The following ZNF606 variants were observed in gnomAD, a reference collection of about 807,000 sequenced individuals.
The protein encoded by ZNF606 is zinc finger protein 328.
ZNF606 carries 37 observed loss-of-function variants against 74.9 expected under a neutral mutation model. The ratio of observed to expected loss-of-function variants is 0.49; its 90% confidence interval spans 0.38 to 0.65. ZNF606 has a LOEUF of 0.65. Ranked by LOEUF, ZNF606 falls within the 30% of genes least tolerant of loss-of-function variation. The pLI is 0.00. For missense variants in ZNF606, 852 were observed against 952.9 expected (o/e 0.89, Z 1.39); for synonymous variants, 328 against 312.4 (o/e 1.05, Z -0.53).
intron 1 of ZNF606, among the ~76,000 whole-genome samples, chr19:58,001,824 T>C (rs1278685912): frequency 6.6e-6 from 1 of 152,220 alleles, no homozygotes. Context: ...TTTATTAATA[T>C]ACAATAAAAC....
chr19:58,000,453 C>T (rs912203457), intron 3 of ZNF606: 17 of 621,412 alleles, frequency 2.7e-5, no homozygotes, highest in Non-Finnish European at 4.4e-5. Context: ...TCTCGATCTC[C>T]TGACCTCGTG....
chr19:57,997,687 C>G (rs1206313893), intron 4 of ZNF606: 1 of 152,224 alleles, frequency 6.6e-6, no homozygotes, highest in Non-Finnish European at 1.5e-5. Flanking sequence ...CATAAATTAA[C>G]AGCAGAGTGT....
chr19:57,979,521 GGAAA>G lies in ZNF606; in HGVS notation c.1155_1158del (p.Phe386LeufsTer67). ...GTGTAAGTGCTTGTATGTTGAGTAA[GGAAA>G]GAGTCATACCCAAAGACTTTCTCCC... is the stretch of plus-strand genomic sequence containing the variant. On this transcript the variant is annotated frameshift_variant, in exon 7 of 7. Transcript: ENST00000551380. LOFTEE classifies it high-confidence loss of function. 1 of 1,613,676 alleles carries G rather than the reference GGAAA, an allele frequency of 6.2e-7. No individual in the cohort carries two copies. Among genetic ancestry groups the G allele is most frequent in the Non-Finnish European group, 8.5e-7 (1 of 1,179,844 alleles).
intron 4 of ZNF606, among the ~76,000 whole-genome samples, chr19:57,991,046 C>A (rs2073251075): frequency 1.3e-5 from 2 of 152,098 alleles, no homozygotes; most frequent in African/African-American, 4.8e-5. Context: ...CACCCTCGTC[C>A]CACTGCTTCT....
In ZNF606 at chr19:57,991,555, A is replaced by G. The variant is rs552033594; in HGVS notation, c.178-2834T>C. On this transcript the variant is annotated intron_variant, in intron 4 of 6. Transcript: ENST00000551380. ...GTGGTGGCTCATGCCTGTAATCCCAACACTTTGGGAGGTCAGGAGTTCGAT... is the reference window on the plus strand; with the variant it reads ...GTGGTGGCTCATGCCTGTAATCCCAGCACTTTGGGAGGTCAGGAGTTCGAT... 3.3e-5 allele frequency among the ~76,000 whole-genome samples: 5 copies of G among 152,126 alleles called. No homozygotes were observed. The South Asian group carries it at 8.3e-4, about 25-fold the overall frequency.
Position 57,988,672 on chromosome 19 carries a change from C to T in ZNF606, c.227G>A (p.Trp76Ter). 6.2e-7 allele frequency: 1 copy of T among 1,614,146 alleles called. No individual in the cohort carries two copies. ...DVAVDFTQEE[W>*]GQLDLVQRTL... ...CCTCTGAACAAGGTCCAGCTGCCCC[C>T]ACTCTTCTTGGGTGAAGTCCACGGC... The change falls in exon 5 of 7, where the codon TGG (tryptophan) becomes TAG (stop). Residue 76 changes from tryptophan (W) to a stop codon, truncating the protein, a stop_gained. Coordinates refer to ENST00000551380, the MANE Select transcript of ZNF606 (RefSeq NM_001348022.3). LOFTEE classifies it high-confidence loss of function.
At chr19:57,992,068 C>G (rs977228697) in intron 4 of ZNF606, among the ~76,000 whole-genome samples, 4 of 152,154 alleles carry the variant, frequency 2.6e-5, no homozygotes, top group Non-Finnish European at 4.4e-5. Flanking sequence ...ACTTCCCACC[C>G]CTCCCAAGAC....
At chr19:57,995,530 A>C (rs2073325379) in intron 4 of ZNF606, among the ~76,000 whole-genome samples, 1 of 152,200 alleles carries the variant, frequency 6.6e-6, no homozygotes, top group African/African-American at 2.4e-5. Context: ...TCATTGGGAA[A>C]AAAAATAGAT....
At chr19:57,982,586 C>CT (rs982684566) in intron 6 of ZNF606, among the ~76,000 whole-genome samples, 30 of 152,236 alleles carry the variant, frequency 2.0e-4, no homozygotes, top group Non-Finnish European at 3.2e-4. Flanking sequence ...CTCTCTGCTT[C>CT]TTTTTTTCTC....
Position 57,979,967 on chromosome 19 carries a change from T to C in ZNF606, c.713A>G (p.Tyr238Cys). ...SQRVSQIEHF[Y>C]KPDTHAQSWR... ...ACTTTGAGCATGTGTATCAGGCTTA[T>C]AGAAATGTTCTATCTGAGAAACTCT... is the stretch of plus-strand genomic sequence containing the variant. The change falls in exon 7 of 7, where the codon TAT becomes TGT. Residue 238 changes from tyrosine to cysteine, a missense_variant. By Grantham distance (194) the Tyr-to-Cys change is radical. Transcript: ENST00000551380. 1.9e-6 allele frequency: 3 copies of C among 1,613,964 alleles called. No homozygotes were observed. The highest frequency in any genetic ancestry group is 1.6e-4 in the Middle Eastern group (1 of 6,062).
chr19:57,979,987 A>C lies in ZNF606; in HGVS notation c.693T>G (p.Val231=). The C allele has an allele frequency of 6.2e-7, 1 of 1,613,784 alleles. No homozygotes were observed. Among genetic ancestry groups the C allele is most frequent in the Non-Finnish European group, 8.5e-7 (1 of 1,180,026 alleles). The change falls in exon 7 of 7, where the codon GTT becomes GTG. Residue 231 remains valine, a synonymous_variant. Transcript: ENST00000551380. ...QNLNFVPSQR[V]SQIEHFYKPD... is the part of the protein sequence containing the mutation. ...GCTTATAGAAATGTTCTATCTGAGAAACTCTCTGAGATGGAACAAAGTTTA... is the reference window on the plus strand; with the variant it reads ...GCTTATAGAAATGTTCTATCTGAGACACTCTCTGAGATGGAACAAAGTTTA...
rs1183339678 is a variant in ZNF606 at position 57,978,730 on chromosome 19, T to C, written c.1950A>G (p.Lys650=). ...VRHQRTHTGE[K]PYECNKCGKS... Reference sequence around the variant, plus strand: ...TTCCACATTTATTGCATTCATAGGGTTTTTCTCCAGTATGAGTCCTTTGAT... The same window carrying C: ...TTCCACATTTATTGCATTCATAGGGCTTTTCTCCAGTATGAGTCCTTTGAT... The change falls in exon 7 of 7, where the codon AAA becomes AAG. Residue 650 remains lysine (K), a synonymous_variant. Coordinates refer to ENST00000551380, the MANE Select transcript of ZNF606 (RefSeq NM_001348022.3). The surrounding 1 kb of genome is among the most constrained non-coding windows in gnomAD (Gnocchi z 4.4). The C allele has an allele frequency of 1.2e-6, 2 of 1,614,134 alleles. No individual in the cohort carries two copies. Among genetic ancestry groups the C allele is most frequent in the East Asian group, 2.2e-5 (1 of 44,882 alleles).
intron 6 of ZNF606, among the ~76,000 whole-genome samples, chr19:57,982,347 G>C (rs1468113208): frequency 1.3e-5 from 2 of 151,956 alleles, no homozygotes; most frequent in Non-Finnish European, 1.5e-5. Context: ...TCTTATAAAA[G>C]GACCCTTGTG....
chr19:57,999,920 G>A (rs185250850), intron 3 of ZNF606, 24 bp from the exon 4 acceptor site: 1 of 1,609,794 alleles, frequency 6.2e-7, no homozygotes, highest in African/African-American at 1.3e-5. Flanking sequence ...AAAAAGTCAT[G>A]GAGGCAGCTC....
chr19:57,988,537 G>A, intron 5 of ZNF606, 58 bp downstream of exon 5: 2 of 1,571,092 alleles, frequency 1.3e-6, no homozygotes, highest in Non-Finnish European at 1.7e-6. Context: ...TAAACATGGA[G>A]CAGCTGAAGG....
chr19:57,980,822 G>A (rs531305176), intron 6 of ZNF606, among the ~76,000 whole-genome samples: 19 of 125,598 alleles, frequency 1.5e-4, no homozygotes, highest in East Asian at 9.3e-4. Context: ...GCGACAGAGC[G>A]ATACACCGTC....
Position 57,979,764 on chromosome 19 carries a change from C to A in ZNF606, c.916G>T (p.Asp306Tyr). 1 of 1,613,380 alleles carries A rather than the reference C, an allele frequency of 6.2e-7. No homozygotes were observed. The highest frequency in any genetic ancestry group is 8.5e-7 in the Non-Finnish European group (1 of 1,179,956). Residue 306 changes from aspartate to tyrosine, a missense_variant, in exon 7 of 7, where the codon GAT becomes TAT. Coordinates refer to ENST00000551380, the MANE Select transcript of ZNF606 (RefSeq NM_001348022.3). ...TCTCCTGTGTGAATTCCTTTATGAT[C>A]ACCAAAATGTATTATATGATTGAAA... Reference protein sequence around the residue: ...KSFNHIIHFGDHKGIHTGEKL... With the variant: ...KSFNHIIHFGYHKGIHTGEKL...
intron 6 of ZNF606, among the ~76,000 whole-genome samples, chr19:57,983,354 T>C (rs981204806): frequency 6.6e-6 from 1 of 151,962 alleles, no homozygotes; most frequent in Non-Finnish European, 1.5e-5. Context: ...GCGGGTGGAT[T>C]ACCTGAGGTC....
At chr19:57,990,236 G>A (rs1464364506) in intron 4 of ZNF606, among the ~76,000 whole-genome samples, 5 of 144,096 alleles carry the variant, frequency 3.5e-5, no homozygotes, top group Non-Finnish European at 7.6e-5. Flanking sequence ...GTGGTAGCAG[G>A]CACCTGTTGT....
Sources: gnomAD v4.1 joint callset for allele counts (sites outside exome capture counted in the v4.1 genomes callset) on GRCh38, gnomAD v4.1.1 for gene constraint, Gnocchi (gnomAD v3.1) non-coding constraint, MANE v1.5 for transcripts, NCBI Gene and HGNC (gene_info 2026-07-23, HGNC 2026-07-21) for gene names.